Variants in WDR72 observed in about 807,000 individuals in gnomAD.
WDR72 encodes WD repeat-containing protein 72.
WDR72 carries 120 observed loss-of-function variants against 124.2 expected under a neutral mutation model. The ratio of observed to expected loss-of-function variants is 0.97; its 90% confidence interval spans 0.83 to 1.12. WDR72 has a LOEUF of 1.12. WDR72 is among the 50% of genes most tolerant of loss of function. The pLI, the probability that WDR72 is intolerant of heterozygous loss-of-function variation, is 0.00. For missense variants in WDR72, 1,387 were observed against 1,278.8 expected (o/e 1.08, Z -1.29); for synonymous variants, 452 against 441.7 (o/e 1.02, Z -0.29).
intron 13 of WDR72, among the ~76,000 whole-genome samples, chr15:53,690,740 C>T (rs987302309): frequency 3.3e-5 from 5 of 152,092 alleles, no homozygotes; most frequent in African/African-American, 9.7e-5. Flanking sequence ...GTACTTTGGC[C>T]ATTATGAATA....
At chr15:53,715,395 T>A (rs1389857748) in intron 4 of WDR72, 28 bp from the exon 5 acceptor site, 1 of 1,613,392 alleles carries the variant, frequency 6.2e-7, no homozygotes, top group Admixed American at 1.7e-5. Context: ...AAAGCAAACA[T>A]TTAATTATCA....
At chr15:53,677,980 T>A (rs1472102073) in intron 13 of WDR72, among the ~76,000 whole-genome samples, 1 of 152,090 alleles carries the variant, frequency 6.6e-6, no homozygotes, top group East Asian at 1.9e-4. Flanking sequence ...GGGAGGGTGA[T>A]TAGGGAAAGT....
At chr15:53,633,798 A>C (rs2014522008) in intron 14 of WDR72, among the ~76,000 whole-genome samples, 1 of 152,200 alleles carries the variant, frequency 6.6e-6, no homozygotes, top group African/African-American at 2.4e-5. Flanking sequence ...AAATACTAAA[A>C]CAACATTACC....
At chr15:53,547,421 C>G (rs987223490) in intron 18 of WDR72, among the ~76,000 whole-genome samples, 2 of 152,122 alleles carry the variant, frequency 1.3e-5, no homozygotes, top group African/African-American at 4.8e-5. Flanking sequence ...CGTGAGCCAC[C>G]GTGCCTGGCC....
intron 18 of WDR72, among the ~76,000 whole-genome samples, chr15:53,557,122 T>C (rs1893959832): frequency 6.6e-6 from 1 of 152,096 alleles, no homozygotes; most frequent in African/African-American, 2.4e-5. Flanking sequence ...ATTTGCTTTA[T>C]TAGTTCTCAG....
At chr15:53,681,985 A>C (rs1037641192) in intron 13 of WDR72, among the ~76,000 whole-genome samples, 1 of 152,242 alleles carries the variant, frequency 6.6e-6, no homozygotes, top group Admixed American at 6.5e-5. Context: ...AATAAAATGT[A>C]GGTAATTCTT....
chr15:53,693,969 T>C lies in WDR72; in HGVS notation c.1765+5781A>G, dbSNP rs191019281. On this transcript the variant is annotated intron_variant, in intron 13 of 19. Transcript: ENST00000360509. Reference sequence around the variant, plus strand: ...CAGTCCACATTACCTGAGCAGGAACTAGAAGAAATGAACAAAAACAGACTC... The same window carrying C: ...CAGTCCACATTACCTGAGCAGGAACCAGAAGAAATGAACAAAAACAGACTC... Among the ~76,000 whole-genome samples, 370 of 152,306 alleles carry C rather than the reference T, an allele frequency of 2.4e-3. 1 individual carries two copies. The highest frequency in any genetic ancestry group is 3.9e-3 in the Non-Finnish European group (262 of 68,030).
At chr15:53,721,928 A>G (rs543198353) in intron 3 of WDR72, among the ~76,000 whole-genome samples, 1 of 152,300 alleles carries the variant, frequency 6.6e-6, no homozygotes, top group East Asian at 1.9e-4. Context: ...TGCTCCCGTG[A>G]CACTGCACCC....
chr15:53,591,188 T>C (rs920933240), intron 18 of WDR72, among the ~76,000 whole-genome samples: 2 of 152,052 alleles, frequency 1.3e-5, no homozygotes, highest in African/African-American at 4.8e-5. Flanking sequence ...ACCTCTTTGA[T>C]GTGCTTCCCT....
intron 18 of WDR72, among the ~76,000 whole-genome samples, chr15:53,576,241 A>G (rs572709002): frequency 2.6e-4 from 39 of 152,318 alleles, no homozygotes; most frequent in African/African-American, 9.4e-4. Context: ...GCCTAGGGGC[A>G]GTTTAACCAG....
chr15:53,748,492 CA>C (rs2018696983), intron 1 of WDR72, among the ~76,000 whole-genome samples: 2 of 152,116 alleles, frequency 1.3e-5, no homozygotes, highest in African/African-American at 4.8e-5. Context: ...TGTCTATTAA[CA>C]CAAATACTTG....
intron 13 of WDR72, among the ~76,000 whole-genome samples, chr15:53,697,640 A>C (rs1367533483): frequency 6.6e-6 from 1 of 152,160 alleles, no homozygotes; most frequent in Admixed American, 6.5e-5. Flanking sequence ...ACACCTCTAT[A>C]AATAGTCCTT....
chr15:53,648,455 G>A (rs1421888558), intron 14 of WDR72, among the ~76,000 whole-genome samples: 1 of 152,096 alleles, frequency 6.6e-6, no homozygotes, highest in East Asian at 1.9e-4. Context: ...GTATCAAGTT[G>A]ATGCTTTCTA....
chr15:53,536,215 TC>T (rs1455734150), intron 18 of WDR72, among the ~76,000 whole-genome samples: 4 of 152,082 alleles, frequency 2.6e-5, no homozygotes, highest in Non-Finnish European at 4.4e-5. Context: ...CCAGTCACCC[TC>T]CAAAGGAAAA....
intron 1 of WDR72, among the ~76,000 whole-genome samples, chr15:53,744,653 T>A (rs1425433834): frequency 6.6e-6 from 1 of 152,196 alleles, no homozygotes; most frequent in East Asian, 1.9e-4. Context: ...AAGGTGGGTA[T>A]GTCTTTTCAT....
At position 53,517,463 on chromosome 15, in the gene WDR72, T is replaced by C; in HGVS notation, c.*236A>G. ...AGTAAGAAACAGGAATAGAGAATGATCTAGGCAATATTTTTCTAAAATTAG... is the reference window on the plus strand; with the variant it reads ...AGTAAGAAACAGGAATAGAGAATGACCTAGGCAATATTTTTCTAAAATTAG... On this transcript the variant is annotated 3_prime_UTR_variant, in exon 20 of 20. Coordinates refer to ENST00000360509, the MANE Select transcript of WDR72 (RefSeq NM_182758.4). The C allele has an allele frequency of 6.0e-6, 3 of 498,806 alleles. No individual in the cohort carries two copies. Among genetic ancestry groups the C allele is most frequent in the Non-Finnish European group, 7.3e-6 (2 of 275,028 alleles). 30.9% of individuals were successfully genotyped at this position (498,806 alleles called of 1,614,324 possible).
rs28842244 is a variant in WDR72 at position 53,622,109 on chromosome 15, A to G, written c.1963-5866T>C. Among the ~76,000 whole-genome samples the G allele has an allele frequency of 6.0e-3, 907 of 152,302 alleles. 8 individuals are homozygous for G. Among genetic ancestry groups the G allele is most frequent in the African/African-American group, 0.021 (884 of 41,566 alleles). On this transcript the variant is annotated intron_variant, in intron 14 of 19. Coordinates refer to ENST00000360509, the MANE Select transcript of WDR72 (RefSeq NM_182758.4). The stretch of plus-strand genomic sequence containing the variant: ...ATGCCATTCAGAATGGTGATTATTA[A>G]AAAGTCAAGAAACAACAGATAATAG...
intron 11 of WDR72, among the ~76,000 whole-genome samples, chr15:53,703,410 G>C (rs952014333): frequency 6.6e-6 from 1 of 151,654 alleles, no homozygotes; most frequent in Non-Finnish European, 1.5e-5. Flanking sequence ...TAAGAGTACA[G>C]CATTGCTGTT....
At chr15:53,663,022 T>C (rs2015658132) in intron 14 of WDR72, among the ~76,000 whole-genome samples, 1 of 151,434 alleles carries the variant, frequency 6.6e-6, no homozygotes, top group Non-Finnish European at 1.5e-5. Flanking sequence ...TGGGCTATGA[T>C]CGTGCCACTG....
Sources: gnomAD v4.1 joint callset for allele counts (sites outside exome capture counted in the v4.1 genomes callset) on GRCh38, gnomAD v4.1.1 for gene constraint, MANE v1.5 for transcripts, NCBI Gene and HGNC (gene_info 2026-07-23, HGNC 2026-07-21) for gene names.